The following PDE3A variants were observed in gnomAD, a reference collection of about 807,000 sequenced individuals.
PDE3A encodes cGMP-inhibited 3',5'-cyclic phosphodiesterase 3A.
In PDE3A, 43 loss-of-function variants were observed where a neutral mutation model predicts 98.3. The observed-to-expected ratio is 0.44, with a 90% CI of 0.34 to 0.56. PDE3A has a LOEUF of 0.56. Ranked by LOEUF, PDE3A falls within the 20% of genes least tolerant of loss-of-function variation. PDE3A has a pLI of 0.01. For missense variants in PDE3A, 1,427 were observed against 1,440.7 expected (o/e 0.99, Z 0.15); for synonymous variants, 663 against 567.9 (o/e 1.17, Z -2.38).
intron 1 of PDE3A, among the ~76,000 whole-genome samples, chr12:20,424,122 G>A (rs781131512): frequency 5.3e-5 from 8 of 152,074 alleles, no homozygotes; most frequent in Admixed American, 1.3e-4. Flanking sequence ...AATACATATT[G>A]CGAAAGTAAA....
rs1306883253 is a variant in PDE3A, at chr12:20,650,676, T to C, written c.2925+76T>C. On this transcript the variant is annotated intron_variant, in intron 14 of 15. Coordinates refer to ENST00000359062, the MANE Select transcript of PDE3A (RefSeq NM_000921.5). ...TGAATTGCTCAAAGCTTCTAACAGC[T>C]ATGAAAGTATGATCACTCTATTTTA... is the stretch of plus-strand genomic sequence containing the variant. 1.6e-5 allele frequency: 13 copies of C among 795,234 alleles called. No individual in the cohort carries two copies. The East Asian group carries it at 3.3e-4, about 20-fold the overall frequency. 49.3% of individuals were successfully genotyped at this position (795,234 alleles called of 1,614,324 possible). A position where few individuals can be genotyped will look rare whatever the true frequency, so the allele number is the denominator to read the frequency against.
At chr12:20,582,569 A>G (rs145914359) in intron 2 of PDE3A, among the ~76,000 whole-genome samples, 11 of 152,210 alleles carry the variant, frequency 7.2e-5, no homozygotes, top group South Asian at 2.1e-4. Flanking sequence ...ATAAATATAT[A>G]TACGCTTATA....
chr12:20,470,673 A>C (rs1186456985), intron 1 of PDE3A, among the ~76,000 whole-genome samples: 1 of 152,160 alleles, frequency 6.6e-6, no homozygotes. Context: ...CTTAAATAAT[A>C]ATCTTGGAAT....
intron 1 of PDE3A, among the ~76,000 whole-genome samples, chr12:20,475,906 G>C (rs1332288419): frequency 6.6e-6 from 1 of 152,156 alleles, no homozygotes; most frequent in East Asian, 1.9e-4. Context: ...CCAGAAGCTA[G>C]ATAAGCACCC....
Position 20,613,654 on chromosome 12 carries a change from C to G in PDE3A, c.1223C>G (p.Ser408Cys). ...TCGCTCAGTGAAAACTATACCTGTT[C>G]TGACTCTGAAGAGAGCTCTGAAAAA... is the stretch of plus-strand genomic sequence containing the variant. Reference protein sequence around the residue: ...VTSLSENYTCSDSEESSEKDK... With the variant: ...VTSLSENYTCCDSEESSEKDK... The change falls in exon 3 of 16, where the codon TCT (serine) becomes TGT (cysteine). Residue 408 changes from serine to cysteine, a missense_variant. Transcript: ENST00000359062. The G allele has an allele frequency of 1.2e-6, 2 of 1,613,750 alleles. No individual in the cohort carries two copies. The highest frequency in any genetic ancestry group is 1.7e-6 in the Non-Finnish European group (2 of 1,179,642).
At chr12:20,667,996 G>C (rs560163886) in intron 15 of PDE3A, among the ~76,000 whole-genome samples, 1 of 152,150 alleles carries the variant, frequency 6.6e-6, no homozygotes, top group Non-Finnish European at 1.5e-5. Context: ...TGCGCGCACC[G>C]TGCGCGAGCC....
At chr12:20,598,343 C>T (rs571537003) in intron 2 of PDE3A, among the ~76,000 whole-genome samples, 39 of 151,950 alleles carry the variant, frequency 2.6e-4, no homozygotes, top group Non-Finnish European at 4.6e-4. Flanking sequence ...CCACCACGCC[C>T]GGCTAATTTT....
At chr12:20,660,719 G>T (rs535101844) in intron 15 of PDE3A, among the ~76,000 whole-genome samples, 77 of 152,324 alleles carry the variant, frequency 5.1e-4, no homozygotes, top group South Asian at 1.2e-3. Flanking sequence ...GATGTGAGTT[G>T]CTTCTCCTTG....
intron 15 of PDE3A, among the ~76,000 whole-genome samples, chr12:20,665,561 T>G (rs1374156907): frequency 6.6e-6 from 1 of 152,184 alleles, no homozygotes; most frequent in Non-Finnish European, 1.5e-5. Flanking sequence ...GAGAAACTAT[T>G]TGGAATATAT....
At chr12:20,483,748 A>G (rs1178773880) in intron 1 of PDE3A, among the ~76,000 whole-genome samples, 2 of 152,220 alleles carry the variant, frequency 1.3e-5, no homozygotes, top group African/African-American at 4.8e-5. Context: ...ACTCAAAGAA[A>G]AATTTGGAGG....
chr12:20,468,701 C>T (rs1945385748), intron 1 of PDE3A, among the ~76,000 whole-genome samples: 1 of 152,126 alleles, frequency 6.6e-6, no homozygotes, highest in African/African-American at 2.4e-5. Context: ...TTTAACCTAA[C>T]TTCTGTTGAG....
At chr12:20,568,991 GA>G (rs1259547364) in intron 2 of PDE3A, among the ~76,000 whole-genome samples, 4 of 151,992 alleles carry the variant, frequency 2.6e-5, no homozygotes, top group African/African-American at 7.2e-5. Flanking sequence ...ATACCACCTG[GA>G]AAAAGCTGGC....
chr12:20,571,171 T>C (rs1316403461), intron 2 of PDE3A, among the ~76,000 whole-genome samples: 2 of 152,160 alleles, frequency 1.3e-5, no homozygotes. Flanking sequence ...TGTTCATCCA[T>C]GAATTGTGGG....
chr12:20,657,519 G>T lies in PDE3A; in HGVS notation c.3184+3314G>T, dbSNP rs112534506. Reference sequence around the variant, plus strand: ...TCAATATGGTATCCTAGGAAAAGAAGGTTTTTATCCCACCTTATAATTAAA... The same window carrying T: ...TCAATATGGTATCCTAGGAAAAGAATGTTTTTATCCCACCTTATAATTAAA... On this transcript the variant is annotated intron_variant, in intron 15 of 15. Transcript: ENST00000359062. Among the ~76,000 whole-genome samples, 16 of 152,248 alleles carry T rather than the reference G, an allele frequency of 1.1e-4. No homozygotes were observed. In the Middle Eastern group the frequency reaches 0.01, roughly 97 times the overall value.
chr12:20,636,563 A>G (rs1944518462), intron 8 of PDE3A, among the ~76,000 whole-genome samples: 1 of 152,140 alleles, frequency 6.6e-6, no homozygotes, highest in African/African-American at 2.4e-5. Flanking sequence ...AAAATATGGC[A>G]ATTGTTATTC....
rs146125954 is a variant in PDE3A at position 20,580,518 on chromosome 12, C to G, written c.1011+23808C>G. 3.3e-5 allele frequency among the ~76,000 whole-genome samples: 5 copies of G among 152,224 alleles called. No individual in the cohort carries two copies. In the East Asian group the frequency reaches 9.7e-4, roughly 29 times the overall value. On this transcript the variant is annotated intron_variant, in intron 2 of 15. Transcript: ENST00000359062. ...AAAGGCTATTTCAAAATTCAAAAGT[C>G]ATAACCACACTGGTAATATTAAAAA...
chr12:20,425,033 G>C (rs1944580880), intron 1 of PDE3A, among the ~76,000 whole-genome samples: 1 of 152,194 alleles, frequency 6.6e-6, no homozygotes, highest in Non-Finnish European at 1.5e-5. Context: ...ACAGTCTGTG[G>C]AATCCTGTGT....
At chr12:20,379,444 T>C (rs920851626) in intron 1 of PDE3A, among the ~76,000 whole-genome samples, 3 of 151,698 alleles carry the variant, frequency 2.0e-5, no homozygotes, top group African/African-American at 7.3e-5. Context: ...TTATGCTGTA[T>C]TGAGAATTTG....
intron 15 of PDE3A, among the ~76,000 whole-genome samples, chr12:20,660,233 A>ATTATAATT (rs1235935694): frequency 6.6e-6 from 1 of 152,172 alleles, no homozygotes; most frequent in Admixed American, 6.5e-5. Context: ...TTCCACCATG[A>ATTATAATT]TTATAATTTC....
Sources: gnomAD v4.1 joint callset for allele counts (sites outside exome capture counted in the v4.1 genomes callset) on GRCh38, gnomAD v4.1.1 for gene constraint, MANE v1.5 for transcripts, NCBI Gene and HGNC (gene_info 2026-07-23, HGNC 2026-07-21) for gene names.